Variants in SLCO6A1 observed in about 807,000 individuals in gnomAD.
The protein encoded by SLCO6A1 is cancer/testis antigen 48.
SLCO6A1 carries 65 observed loss-of-function variants against 72.7 expected under a neutral mutation model. The observed-to-expected ratio is 0.89, with a 90% CI of 0.73 to 1.10. SLCO6A1 has a LOEUF of 1.10. SLCO6A1 is among the 50% of genes least tolerant of loss of function. The pLI, the probability that SLCO6A1 is intolerant of heterozygous loss-of-function variation, is 0.00. For synonymous variants in SLCO6A1, 314 were observed against 298.2 expected (o/e 1.05, Z -0.55); for missense variants, 874 against 872.6 (o/e 1.00, Z -0.02).
At chr5:102,464,491 A>G (rs1440169611) in intron 4 of SLCO6A1, among the ~76,000 whole-genome samples, 1 of 152,198 alleles carries the variant, frequency 6.6e-6, no homozygotes, top group East Asian at 1.9e-4. Context: ...TCCTAATAAT[A>G]CATTCTCTTT....
intron 1 of SLCO6A1, among the ~76,000 whole-genome samples, chr5:102,488,579 A>G (rs539454280): frequency 1.4e-3 from 207 of 152,376 alleles, no homozygotes; most frequent in Non-Finnish European, 1.6e-3. Context: ...TTGAAAGCAT[A>G]AAGAGCTAAC....
intron 3 of SLCO6A1, among the ~76,000 whole-genome samples, chr5:102,476,305 T>C (rs1270029102): frequency 6.6e-6 from 1 of 152,058 alleles, no homozygotes; most frequent in Admixed American, 6.6e-5. Flanking sequence ...TCATACAAAA[T>C]ACAATTATGA....
intron 1 of SLCO6A1, among the ~76,000 whole-genome samples, chr5:102,495,804 C>T (rs1480709861): frequency 1.3e-5 from 2 of 151,784 alleles, no homozygotes; most frequent in Non-Finnish European, 2.9e-5. Flanking sequence ...GGAAAAAAGG[C>T]CTGAGTCTGG....
chr5:102,478,145 C>A (rs143424149), intron 2 of SLCO6A1, among the ~76,000 whole-genome samples: 1 of 151,882 alleles, frequency 6.6e-6, no homozygotes, highest in African/African-American at 2.4e-5. Context: ...CATATTGTGA[C>A]CCCGTCTCCA....
chr5:102,471,478 C>T (rs766222324), intron 4 of SLCO6A1, among the ~76,000 whole-genome samples: 40 of 152,160 alleles, frequency 2.6e-4, no homozygotes, highest in Admixed American at 1.2e-3. Context: ...AACATTCACA[C>T]GCTTAAATGT....
chr5:102,399,839 G>T, intron 9 of SLCO6A1, 97 bp from the exon 10 acceptor site: 1 of 783,136 alleles, frequency 1.3e-6, no homozygotes, highest in South Asian at 3.1e-5. Context: ...ACTGCAAGGA[G>T]ACTCATTAGT....
At chr5:102,378,229 A>T (rs991883884) in intron 12 of SLCO6A1, among the ~76,000 whole-genome samples, 5 of 152,104 alleles carry the variant, frequency 3.3e-5, no homozygotes, top group Non-Finnish European at 7.4e-5. Flanking sequence ...AATACTATGC[A>T]GCCATAAAAA....
At chr5:102,412,536 G>A (rs1319591860) in intron 9 of SLCO6A1, among the ~76,000 whole-genome samples, 1 of 152,076 alleles carries the variant, frequency 6.6e-6, no homozygotes, top group Non-Finnish European at 1.5e-5. Context: ...CAAGGCAGGT[G>A]GATCACTTGA....
In SLCO6A1 at chr5:102,480,307, T is replaced by A; in HGVS notation, c.486A>T (p.Ile162=). Residue 162 remains isoleucine (I), a synonymous_variant, in exon 2 of 14, where the codon ATA becomes ATT. Coordinates refer to ENST00000506729, the MANE Select transcript of SLCO6A1 (RefSeq NM_173488.5). The part of the protein sequence containing the change: ...DISSGLVAIF[I]AFYGDRKKVI... ...CTTTTTTTCTGTCTCCATAGAATGC[T>A]ATAAATATTGCTACCAGGCCAGATG... 8 of 1,613,616 alleles carry A rather than the reference T, an allele frequency of 5.0e-6. No homozygotes were observed. The highest frequency in any genetic ancestry group is 6.8e-6 in the Non-Finnish European group (8 of 1,179,742).
Position 102,381,731 on chromosome 5 carries a change from C to CTTTT in SLCO6A1, c.2017+6953_2017+6956dup, listed in dbSNP as rs57935092. On this transcript the variant is annotated intron_variant, in intron 12 of 13. Transcript: ENST00000506729. ...TTTCCACATCCTCACCAATATTTAT[C>CTTTT]TTTTTTTTTTTTTTTTGGTAATACA... Among the ~76,000 whole-genome samples, 680 of 134,308 alleles carry CTTTT rather than the reference C, an allele frequency of 5.1e-3. 10 individuals carry two copies. The highest frequency in any genetic ancestry group is 0.017 in the African/African-American group (605 of 36,594). 88.1% of individuals were successfully genotyped at this position (134,308 alleles called of 152,430 possible). A position where few individuals can be genotyped will look rare whatever the true frequency, so the allele number is the denominator to read the frequency against.
At chr5:102,419,247 G>A (rs905011746) in intron 8 of SLCO6A1, among the ~76,000 whole-genome samples, 3 of 152,158 alleles carry the variant, frequency 2.0e-5, no homozygotes, top group Admixed American at 2.0e-4. Context: ...TATTCTCAGT[G>A]AGAAGATTGA....
chr5:102,481,503 T>C (rs146111799), intron 1 of SLCO6A1, among the ~76,000 whole-genome samples: 1 of 152,334 alleles, frequency 6.6e-6, no homozygotes, highest in East Asian at 1.9e-4. Flanking sequence ...TAAGTCGAAG[T>C]CAGCTGGGCC....
At chr5:102,404,976 C>T (rs1269102459) in intron 9 of SLCO6A1, among the ~76,000 whole-genome samples, 2 of 152,058 alleles carry the variant, frequency 1.3e-5, no homozygotes, top group Non-Finnish European at 2.9e-5. Context: ...CACATACCTC[C>T]ATACACTGGA....
rs116049850 is a variant in SLCO6A1, at chr5:102,409,016, A to G, written c.1626+3974T>C. Among the ~76,000 whole-genome samples the G allele has an allele frequency of 8.2e-3, 1,251 of 152,236 alleles. 12 individuals carry two copies. Among genetic ancestry groups the G allele is most frequent in the Non-Finnish European group, 0.015 (1,008 of 67,988 alleles). On this transcript the variant is annotated intron_variant, in intron 9 of 13. Transcript: ENST00000506729. ...ATATTGCTATTTTATAATGAAAACT[A>G]TATCAGCGGCTGAAAGGAATCAGTC...
chr5:102,405,826 T>C (rs996885052), intron 9 of SLCO6A1, among the ~76,000 whole-genome samples: 4 of 152,094 alleles, frequency 2.6e-5, no homozygotes, highest in Admixed American at 2.6e-4. Context: ...GTCATAATAT[T>C]ATCTATCACA....
Sources: allele counts gnomAD v4.1 joint callset (sites outside exome capture counted in the v4.1 genomes callset), GRCh38; gene constraint gnomAD v4.1.1; transcripts MANE v1.5; gene names NCBI Gene and HGNC (gene_info 2026-07-23, HGNC 2026-07-21).